Variants in SECISBP2L observed in about 807,000 individuals in gnomAD.
SECISBP2L encodes the protein selenocysteine insertion sequence-binding protein 2-like.
In SECISBP2L, 43 loss-of-function variants were observed where a neutral mutation model predicts 114.7. That is an observed-to-expected ratio of 0.38 (90% CI 0.29 to 0.48). SECISBP2L has a LOEUF of 0.48. SECISBP2L is among the 20% of genes least tolerant of loss of function. SECISBP2L has a pLI of 0.98. For synonymous variants in SECISBP2L, 451 were observed against 439.7 expected (o/e 1.03, Z -0.32); for missense variants, 1,136 against 1,301.1 (o/e 0.87, Z 1.95).
intron 1 of SECISBP2L, among the ~76,000 whole-genome samples, chr15:49,044,088 C>T (rs1341147041): frequency 6.6e-6 from 1 of 151,772 alleles, no homozygotes; most frequent in African/African-American, 2.4e-5. Context: ...CTAACTACCA[C>T]AATACTATAA....
At chr15:49,010,850 C>G (rs1391429965) in intron 13 of SECISBP2L, among the ~76,000 whole-genome samples, 1 of 152,196 alleles carries the variant, frequency 6.6e-6, no homozygotes, top group Non-Finnish European at 1.5e-5. Context: ...GCTGTAAGCT[C>G]TTCAACAGCA....
chr15:49,037,980 A>G (rs906602418), intron 1 of SECISBP2L, among the ~76,000 whole-genome samples: 1 of 152,228 alleles, frequency 6.6e-6, no homozygotes, highest in African/African-American at 2.4e-5. Flanking sequence ...TAAGGAAAAT[A>G]AACCAAATGT....
At position 48,989,957 on chromosome 15, in the gene SECISBP2L, T is replaced by G. The variant is rs1901938836; in HGVS notation, c.*2287A>C. The G allele has an allele frequency of 6.5e-6, 1 of 152,682 alleles. No homozygotes were observed. Among genetic ancestry groups the G allele is most frequent in the Non-Finnish European group, 1.5e-5 (1 of 68,046 alleles). 9.5% of individuals were successfully genotyped at this position (152,682 alleles called of 1,614,324 possible). A position where few individuals can be genotyped will look rare whatever the true frequency, so the allele number is the denominator to read the frequency against. On this transcript the variant is annotated 3_prime_UTR_variant, in exon 18 of 18. Transcript: ENST00000559471. ...CTCAAAATGGTAACATTTCCTTTAA[T>G]AATTCTTGGGTTGTCCTCTAGAGGT...
rs560938376 is a variant in SECISBP2L, at chr15:48,999,269, T to G, written c.2403+564A>C. On this transcript the variant is annotated intron_variant, in intron 16 of 17. Transcript: ENST00000559471. ...GAATCAACTTTGTTAAAAAACAGTC[T>G]TAAACACTACAGTTGATGAGCATTA... is the stretch of plus-strand genomic sequence containing the variant. 7.2e-4 allele frequency among the ~76,000 whole-genome samples: 109 copies of G among 152,322 alleles called. 3 individuals are homozygous for G. The South Asian group carries it at 0.022, about 30-fold the overall frequency.
rs1043185241 is a variant in SECISBP2L, at chr15:49,034,041, AC to A, written c.529-942del. ...TATATACTACTATCTTATTTCCAAC[AC>A]TTTTTTTTTCATTCTGAGTTCCCGA... On this transcript the variant is annotated intron_variant, in intron 3 of 17. Coordinates refer to ENST00000559471, the MANE Select transcript of SECISBP2L (RefSeq NM_001193489.2). 1.0e-4 allele frequency among the ~76,000 whole-genome samples: 14 copies of A among 138,776 alleles called. 1 individual carries two copies. The highest frequency in any genetic ancestry group is 3.4e-4 in the African/African-American group (14 of 40,582). 91.0% of individuals were successfully genotyped at this position (138,776 alleles called of 152,430 possible).
At chr15:49,032,941 C>T in intron 4 of SECISBP2L, 24 bp downstream of exon 4, 1 of 1,606,798 alleles carries the variant, frequency 6.2e-7, no homozygotes, top group Middle Eastern at 1.7e-4. Flanking sequence ...ATCAGTGACG[C>T]ACATGTAAGA....
chr15:49,017,110 C>T, intron 9 of SECISBP2L, 95 bp from the exon 10 acceptor site: 4 of 1,169,974 alleles, frequency 3.4e-6, no homozygotes, highest in Non-Finnish European at 4.8e-6. Context: ...TGCAGTACAA[C>T]CGGACTAGAC....
rs749020191 is a variant in SECISBP2L at position 49,017,051 on chromosome 15, C to T, written c.1252-36G>A. 1.1e-5 allele frequency: 18 copies of T among 1,596,210 alleles called. No individual in the cohort carries two copies. The South Asian group carries it at 1.8e-4, about 16-fold the overall frequency. On this transcript the variant is annotated intron_variant, in intron 9 of 17. Transcript: ENST00000559471. ...CAGAAAAAACACATTTGTTAGTGAT[C>T]CCATAAAAGTCAATCATAAGGAAAA...
intron 11 of SECISBP2L, among the ~76,000 whole-genome samples, chr15:49,014,908 T>C (rs961251091): frequency 6.6e-6 from 1 of 150,568 alleles, no homozygotes; most frequent in African/African-American, 2.4e-5. Context: ...ACTGTATATA[T>C]GTACACATAT....
intron 12 of SECISBP2L, 42 bp downstream of exon 12, chr15:49,012,606 A>T: frequency 6.3e-7 from 1 of 1,593,308 alleles, no homozygotes; most frequent in East Asian, 2.2e-5. Context: ...TAAAATCCTT[A>T]TTCATCCTAT....
chr15:49,020,674 A>AT (rs1419930701), intron 7 of SECISBP2L, among the ~76,000 whole-genome samples: 6 of 151,640 alleles, frequency 4.0e-5, no homozygotes, highest in East Asian at 2.0e-4. Context: ...CACCCAGCTA[A>AT]TTTTTTTTAT....
At chr15:49,037,894 A>G in intron 1 of SECISBP2L, 125 bp from the exon 2 acceptor site, 1 of 620,972 alleles carries the variant, frequency 1.6e-6, no homozygotes, top group Non-Finnish European at 2.5e-6. Flanking sequence ...GCATTCATAA[A>G]ACATCCAAAA....
At chr15:48,997,839 A>G (rs1027360853) in intron 16 of SECISBP2L, among the ~76,000 whole-genome samples, 29 of 152,200 alleles carry the variant, frequency 1.9e-4, no homozygotes, top group African/African-American at 7.0e-4. Context: ...ATTGCACTCC[A>G]GCCTGGGCAA....
Position 48,999,947 on chromosome 15 carries a change from TGCCATGGCTATAACATTATAGAGA to T in SECISBP2L, c.2265_2288del (p.Leu756_Ala763del). ...ACACAAAAGGAATTTCTTGTTCCCGTGCCATGGCTATAACATTATAGAGAGCCTCATCCAGACCACCTGAGAAAA... is the reference window on the plus strand; with the variant it reads ...ACACAAAAGGAATTTCTTGTTCCCGTGCCTCATCCAGACCACCTGAGAAAA... On this transcript the variant is annotated inframe_deletion, in exon 16 of 18. Coordinates refer to ENST00000559471, the MANE Select transcript of SECISBP2L (RefSeq NM_001193489.2). The T allele has an allele frequency of 6.2e-7, 1 of 1,614,008 alleles. No homozygotes were observed. The highest frequency in any genetic ancestry group is 8.5e-7 in the Non-Finnish European group (1 of 1,179,936).
rs763966852 is a variant in SECISBP2L at position 48,992,272 on chromosome 15, T to G, written c.3278A>C (p.Asp1093Ala). 1.2e-6 allele frequency: 2 copies of G among 1,609,838 alleles called. No individual in the cohort carries two copies. Among genetic ancestry groups the G allele is most frequent in the Admixed American group, 1.7e-5 (1 of 58,822 alleles). The change falls in exon 18 of 18, where the codon GAT (aspartate) becomes GCT (alanine). Residue 1093 changes from aspartate to alanine, a missense_variant. Asp to Ala is a moderately radical substitution (Grantham distance 126). Around this residue, in one of 2 missense-constraint regions of SECISBP2L, gnomAD observed 684 missense variants for 848.7 expected, o/e 0.81. Coordinates refer to ENST00000559471, the MANE Select transcript of SECISBP2L (RefSeq NM_001193489.2). The part of the protein sequence containing the change: ...NCSSLNKEHS[D>A]SNYTTQTT The stretch of plus-strand genomic sequence containing the variant: ...CGTAGTTTGCGTTGTGTAATTAGAA[T>G]CAGAGTGCTCTTTGTTGAGCGAGCT...
At chr15:49,045,926 C>T (rs963744288) in intron 1 of SECISBP2L, among the ~76,000 whole-genome samples, 1 of 152,174 alleles carries the variant, frequency 6.6e-6, no homozygotes, top group Non-Finnish European at 1.5e-5. Flanking sequence ...CTTGAAAACA[C>T]ATTCCAGAGC....
chr15:49,033,387 CA>C (rs920158666), intron 3 of SECISBP2L, among the ~76,000 whole-genome samples: 1 of 151,872 alleles, frequency 6.6e-6, no homozygotes, highest in Non-Finnish European at 1.5e-5. Flanking sequence ...TTTTCTCAGT[CA>C]AAAAAATAAT....
chr15:49,003,510 T>C (rs906136012), intron 14 of SECISBP2L, among the ~76,000 whole-genome samples: 15 of 152,222 alleles, frequency 9.9e-5, no homozygotes, highest in African/African-American at 3.6e-4. Context: ...CATCCTTGTC[T>C]TGTGCTGGTT....
intron 3 of SECISBP2L, among the ~76,000 whole-genome samples, chr15:49,034,669 G>GTTTTTTTTTTTTTT (rs58267682): frequency 3.8e-5 from 5 of 132,134 alleles, no homozygotes; most frequent in Non-Finnish European, 4.7e-5. Context: ...TATATCTTTT[G>GTTTTTTTTTTTTTT]TTTTTTTTTT....
Sources: gnomAD v4.1 joint callset for allele counts (sites outside exome capture counted in the v4.1 genomes callset) on GRCh38, gnomAD v4.1.1 for gene constraint, gnomAD v4.1.1 regional missense constraint, MANE v1.5 for transcripts, NCBI Gene and HGNC (gene_info 2026-07-23, HGNC 2026-07-21) for gene names.